The following MESD variants were observed in gnomAD, a reference collection of about 807,000 sequenced individuals.
MESD encodes mesoderm development LRP chaperone.
Under a neutral mutation model 12.9 loss-of-function variants are expected in MESD, and 7 were observed. That is an observed-to-expected ratio of 0.54 (90% CI 0.31 to 1.02). The LOEUF is 1.02. MESD is among the 50% of genes least tolerant of loss of function. MESD has a pLI of 0.05. For synonymous variants in MESD, 126 were observed against 115.6 expected (o/e 1.09, Z -0.58); for missense variants, 342 against 296.7 (o/e 1.15, Z -1.12).
intron 3 of MESD, among the ~76,000 whole-genome samples, chr15:80,967,801 G>A (rs1902203641): frequency 1.3e-5 from 2 of 152,238 alleles, no homozygotes; most frequent in Non-Finnish European, 2.9e-5. Flanking sequence ...CTTCTCTGGA[G>A]AAAACAAAAA....
intron 1 of MESD, among the ~76,000 whole-genome samples, chr15:80,988,130 A>G (rs1471292118): frequency 3.9e-5 from 6 of 152,340 alleles, no homozygotes; most frequent in Non-Finnish European, 5.9e-5. Flanking sequence ...CAGGTAAAAC[A>G]GTTCAAAGAA....
chr15:80,980,695 G>T (rs1037115770), intron 2 of MESD, among the ~76,000 whole-genome samples: 1 of 152,072 alleles, frequency 6.6e-6, no homozygotes, highest in Non-Finnish European at 1.5e-5. Flanking sequence ...TAGCACTTTG[G>T]GAGGTTGAGG....
exon 5 of MESD, chr15:80,948,651 A>T: frequency 9.3e-7 from 1 of 1,070,336 alleles, no homozygotes; most frequent in Non-Finnish European, 1.4e-6. Context: ...AGCTGAGCAC[A>T]GAGCTCTTCC....
chr15:80,955,178 G>A (rs546973836), intron 3 of MESD, among the ~76,000 whole-genome samples: 2 of 152,002 alleles, frequency 1.3e-5, no homozygotes, highest in Admixed American at 6.5e-5. Context: ...AGTATAACCA[G>A]GAGCTGGTTA....
intron 1 of MESD, among the ~76,000 whole-genome samples, 180 bp downstream of exon 1, chr15:80,989,399 G>C (rs1893232166): frequency 6.6e-6 from 1 of 152,142 alleles, no homozygotes; most frequent in Non-Finnish European, 1.5e-5. Context: ...GGTCAGCAGG[G>C]CGCGCGGGTC....
intron 3 of MESD, among the ~76,000 whole-genome samples, chr15:80,967,413 C>A (rs1902196552): frequency 1.3e-5 from 2 of 152,180 alleles, no homozygotes; most frequent in Non-Finnish European, 1.5e-5. Flanking sequence ...CAGGGACCTC[C>A]TTTGCATTAG....
In MESD at chr15:80,969,258, TAGGTAAGG is replaced by T. The variant is rs534389164; in HGVS notation, c.*288+9665_*288+9672del. Among the ~76,000 whole-genome samples, 71 of 152,220 alleles carry T rather than the reference TAGGTAAGG, an allele frequency of 4.7e-4. No individual in the cohort carries two copies. The East Asian group carries it at 0.011, about 24-fold the overall frequency. ...CACACAGTGGGTAGCATGTCACAGTTAGGTAAGGATGTCCAGAGCTTGCACACAGTAGG... is the reference window on the plus strand; with the variant it reads ...CACACAGTGGGTAGCATGTCACAGTTATGTCCAGAGCTTGCACACAGTAGG... On this transcript the variant is annotated intron_variant, in intron 3 of 4. Coordinates refer to the MESD transcript ENST00000561312.
At chr15:80,972,887 T>A (rs1902320590), downstream of MESD, among the ~76,000 whole-genome samples, 1 of 152,062 alleles carries the variant, frequency 6.6e-6, no homozygotes, top group Admixed American at 6.5e-5. Context: ...CCAGGTGAGG[T>A]GGCAGGTGCC....
downstream of MESD, chr15:80,946,799 C>A (rs1901574962): frequency 1.4e-5 from 9 of 662,708 alleles, no homozygotes; most frequent in Non-Finnish European, 2.5e-5. Flanking sequence ...ATGGAAAGAG[C>A]CCGTCAGCTC....
At chr15:80,959,349 G>A (rs1596225442) in intron 3 of MESD, among the ~76,000 whole-genome samples, 1 of 152,218 alleles carries the variant, frequency 6.6e-6, no homozygotes, top group Non-Finnish European at 1.5e-5. Context: ...CCTTTTGGCT[G>A]GGAGGATGTG....
At chr15:80,947,036 T>C (rs200352418), downstream of MESD, 4 of 1,613,936 alleles carry the variant, frequency 2.5e-6, no homozygotes, top group African/African-American at 1.3e-5. Context: ...CTGGAAAAGC[T>C]TGGGGCAGAC....
chr15:80,988,705 C>T (rs1902802064), intron 1 of MESD, among the ~76,000 whole-genome samples: 1 of 152,198 alleles, frequency 6.6e-6, no homozygotes, highest in Admixed American at 6.5e-5. Context: ...AACAAAACAT[C>T]AGTGTTGGAA....
rs543421519 is a variant in MESD at position 80,989,482 on chromosome 15, G to C, written c.213+97C>G. On this transcript the variant is annotated intron_variant, in intron 1 of 2. Transcript: ENST00000261758. ...TTCAAGGCATGAGTAGAGGAGGTTAGGGGGTCAGAAAGGTCCCAAGACAGA... is the reference window on the plus strand; with the variant it reads ...TTCAAGGCATGAGTAGAGGAGGTTACGGGGTCAGAAAGGTCCCAAGACAGA... The C allele has an allele frequency of 5.8e-6, 8 of 1,371,104 alleles. 1 individual carries two copies. The African/African-American group carries it at 1.1e-4, about 20-fold the overall frequency. The allele number at this position is 1,371,104 out of a possible 1,614,324, so 84.9% of individuals were successfully genotyped here.
chr15:80,973,819 T>C (rs1016057538), downstream of MESD, among the ~76,000 whole-genome samples: 4 of 152,232 alleles, frequency 2.6e-5, no homozygotes, highest in Non-Finnish European at 4.4e-5. Context: ...TAAAATACTA[T>C]TTAATTACCG....
At chr15:80,956,222 C>A (rs1179372950) in intron 3 of MESD, among the ~76,000 whole-genome samples, 1 of 151,808 alleles carries the variant, frequency 6.6e-6, no homozygotes, top group South Asian at 2.1e-4. Context: ...TAAAAAAGAC[C>A]CTAAGAGCCT....
intron 3 of MESD, among the ~76,000 whole-genome samples, chr15:80,955,638 T>TGTGTGTGTGTGTGA (rs1261492232): frequency 6.6e-6 from 1 of 150,388 alleles, no homozygotes; most frequent in Middle Eastern, 3.5e-3. Flanking sequence ...TGTGTGTGTG[T>TGTGTGTGTGTGTGA]GAGAGAGACA....
intron 3 of MESD, among the ~76,000 whole-genome samples, chr15:80,963,640 T>A (rs1182881629): frequency 6.6e-6 from 1 of 152,184 alleles, no homozygotes; most frequent in East Asian, 1.9e-4. Context: ...CACGATCAAG[T>A]CGGCTTCATC....
chr15:80,949,360 T>C (rs1901718421), intron 4 of MESD: 1 of 292,996 alleles, frequency 3.4e-6, no homozygotes, highest in Non-Finnish European at 6.7e-6. Flanking sequence ...GTGGTAAATG[T>C]AGGAGAAAGA....
At chr15:80,984,719 T>G (rs1902683096) in intron 1 of MESD, among the ~76,000 whole-genome samples, 1 of 152,178 alleles carries the variant, frequency 6.6e-6, no homozygotes, top group African/African-American at 2.4e-5. Flanking sequence ...AATGTACACT[T>G]TACATGGGTA....
Sources: allele counts gnomAD v4.1 joint callset (sites outside exome capture counted in the v4.1 genomes callset), GRCh38; gene constraint gnomAD v4.1.1; transcripts MANE v1.5; gene names NCBI Gene and HGNC (gene_info 2026-07-23, HGNC 2026-07-21).